Variants in KIAA1217 observed in about 807,000 individuals in gnomAD.
The protein encoded by KIAA1217 is KIAA1217, also known as sickle tail protein homolog.
In KIAA1217, 88 loss-of-function variants were observed where a neutral mutation model predicts 163.9. The observed-to-expected ratio is 0.54, with a 90% CI of 0.45 to 0.64. The LOEUF (loss-of-function observed/expected upper bound fraction) is 0.64, where lower values mean the gene tolerates loss of function less well. Ranked by LOEUF, KIAA1217 falls within the 30% of genes least tolerant of loss-of-function variation. The pLI, the probability that KIAA1217 is intolerant of heterozygous loss-of-function variation, is 0.00. For missense variants in KIAA1217, 2,372 were observed against 2,475.0 expected (o/e 0.96, Z 0.88); for synonymous variants, 903 against 923.1 (o/e 0.98, Z 0.39).
At chr10:24,400,429 G>C (rs1225936282) in intron 3 of KIAA1217, among the ~76,000 whole-genome samples, 2 of 152,182 alleles carry the variant, frequency 1.3e-5, no homozygotes, top group Non-Finnish European at 2.9e-5. Flanking sequence ...TAGCCACCCA[G>C]GGTCCCCATG....
At chr10:23,785,963 C>T (rs78727297) in intron 1 of KIAA1217, among the ~76,000 whole-genome samples, 7,608 of 152,114 alleles carry the variant, frequency 0.05, 280 homozygotes, top group Middle Eastern at 0.099. Context: ...CAATGCTGGG[C>T]AGACAAGTAA....
At chr10:23,952,338 G>C (rs1844376093) in intron 1 of KIAA1217, among the ~76,000 whole-genome samples, 1 of 152,094 alleles carries the variant, frequency 6.6e-6, no homozygotes, top group Non-Finnish European at 1.5e-5. Flanking sequence ...CCGTGTTCTG[G>C]ACTTTGCTGT....
At chr10:23,977,783 T>C (rs1189013180) in intron 1 of KIAA1217, among the ~76,000 whole-genome samples, 3 of 152,194 alleles carry the variant, frequency 2.0e-5, no homozygotes, top group Non-Finnish European at 4.4e-5. Context: ...TTTAAGTTAA[T>C]GCAGATGCCA....
rs55881849 is a variant in KIAA1217, at chr10:24,360,040, C to CAT, written c.355-20829_355-20828insAT. Among the ~76,000 whole-genome samples the CAT allele has an allele frequency of 3.8e-3, 362 of 94,278 alleles. 12 individuals carry two copies. The highest frequency in any genetic ancestry group is 0.012 in the African/African-American group (264 of 22,458). The allele number at this position is 94,278 out of a possible 152,430, so 61.9% of individuals were successfully genotyped here. On this transcript the variant is annotated intron_variant, in intron 2 of 20. Coordinates refer to ENST00000376454, the MANE Select transcript of KIAA1217 (RefSeq NM_019590.5). ...ACTGTGTATCTTTAGGATATAATTA[C>CAT]TTTTTTTTTTTTTTTTTTTTTTTTG...
At chr10:24,093,430 T>G (rs549924060) in intron 2 of KIAA1217, among the ~76,000 whole-genome samples, 1 of 151,504 alleles carries the variant, frequency 6.6e-6, no homozygotes, top group African/African-American at 2.4e-5. Context: ...CCTCAGCCTC[T>G]CAAAGTGCTG....
intron 1 of KIAA1217, among the ~76,000 whole-genome samples, chr10:23,837,080 T>A (rs1193263715): frequency 2.0e-5 from 3 of 152,218 alleles, no homozygotes; most frequent in Non-Finnish European, 4.4e-5. Context: ...GCACATTATT[T>A]AGCTCCTCCT....
intron 2 of KIAA1217, among the ~76,000 whole-genome samples, chr10:24,237,982 A>G (rs2072516712): frequency 6.6e-6 from 1 of 152,196 alleles, no homozygotes; most frequent in African/African-American, 2.4e-5. Context: ...GCAAAGAGTC[A>G]TTCTGAGTTT....
intron 5 of KIAA1217, among the ~76,000 whole-genome samples, chr10:24,443,773 A>ACC (rs2060694073): frequency 6.6e-6 from 1 of 152,184 alleles, no homozygotes; most frequent in Non-Finnish European, 1.5e-5. Flanking sequence ...ATAATAGGTT[A>ACC]GTGGTTATGT....
intron 2 of KIAA1217, among the ~76,000 whole-genome samples, chr10:24,194,968 G>A (rs184568459): frequency 1.7e-3 from 256 of 152,064 alleles, no homozygotes; most frequent in African/African-American, 5.9e-3. Context: ...CAAGTCCCCA[G>A]TCTTATCCCT....
intron 1 of KIAA1217, among the ~76,000 whole-genome samples, chr10:23,927,982 T>C (rs1400436034): frequency 6.6e-6 from 1 of 152,244 alleles, no homozygotes; most frequent in African/African-American, 2.4e-5. Flanking sequence ...TTAGGCCAGA[T>C]GCAGTAACTC....
chr10:24,543,429 A>G lies in KIAA1217; in HGVS notation c.4159A>G (p.Ile1387Val), dbSNP rs2075342618. ...AGCCACTGACAATATTGCCTTCATG[A>G]TTACCGAAACCACTGTCCAGGTTCT... ...NAATDNIAFM[I>V]TETTVQVLSS... Residue 1387 changes from isoleucine to valine, a missense_variant, in exon 19 of 21, where the codon ATT becomes GTT. This residue lies in a region of KIAA1217 where 251 missense variants were observed against 327.3 expected (regional missense o/e 0.77). Transcript: ENST00000376454. 1 of 1,614,168 alleles carries G rather than the reference A, an allele frequency of 6.2e-7. No individual in the cohort carries two copies. Among genetic ancestry groups the G allele is most frequent in the Non-Finnish European group, 8.5e-7 (1 of 1,180,036 alleles).
intron 17 of KIAA1217, among the ~76,000 whole-genome samples, chr10:24,541,484 G>A (rs2075076382): frequency 6.6e-6 from 1 of 152,172 alleles, no homozygotes; most frequent in South Asian, 2.1e-4. Context: ...TAAGGTCATA[G>A]GGGTTGCTCT....
intron 2 of KIAA1217, among the ~76,000 whole-genome samples, chr10:24,301,627 G>C (rs1291262046): frequency 2.6e-5 from 4 of 152,192 alleles, no homozygotes; most frequent in Non-Finnish European, 5.9e-5. Flanking sequence ...TCAGCTGAAA[G>C]TGGTTTTCCT....
At chr10:24,262,919 C>CA (rs2075863066) in intron 2 of KIAA1217, among the ~76,000 whole-genome samples, 1 of 149,270 alleles carries the variant, frequency 6.7e-6, no homozygotes, top group African/African-American at 2.5e-5. Flanking sequence ...CACTGCACTC[C>CA]AGTCTGGGTA....
At chr10:23,807,211 C>T (rs892471709) in intron 1 of KIAA1217, among the ~76,000 whole-genome samples, 1 of 152,224 alleles carries the variant, frequency 6.6e-6, no homozygotes, top group East Asian at 1.9e-4. Context: ...TTCGAATGGA[C>T]ATTTTTACTC....
intron 2 of KIAA1217, among the ~76,000 whole-genome samples, chr10:24,259,919 G>T (rs754054893): frequency 6.6e-6 from 1 of 152,190 alleles, no homozygotes; most frequent in Non-Finnish European, 1.5e-5. Flanking sequence ...ATTCTGAAAT[G>T]CCAAACCATT....
At chr10:24,174,009 C>T (rs1368829227) in intron 2 of KIAA1217, among the ~76,000 whole-genome samples, 1 of 152,198 alleles carries the variant, frequency 6.6e-6, no homozygotes, top group Non-Finnish European at 1.5e-5. Context: ...GCCATGTTCT[C>T]TTCCATCATG....
Position 24,536,737 on chromosome 10 carries a change from T to C in KIAA1217, c.3415-37T>C, listed in dbSNP as rs1185366167. 5 of 1,607,728 alleles carry C rather than the reference T, an allele frequency of 3.1e-6. No homozygotes were observed. In the South Asian group the frequency reaches 4.4e-5, roughly 14 times the overall value. On this transcript the variant is annotated intron_variant, in intron 16 of 20. Coordinates refer to ENST00000376454, the MANE Select transcript of KIAA1217 (RefSeq NM_019590.5). ...TTTCCCTCCATTCTCCTCAGTACCCTTGGATCCCTGTTAACCTCAGTATTT... is the reference window on the plus strand; with the variant it reads ...TTTCCCTCCATTCTCCTCAGTACCCCTGGATCCCTGTTAACCTCAGTATTT...
intron 1 of KIAA1217, among the ~76,000 whole-genome samples, chr10:23,773,164 A>G (rs983717175): frequency 3.9e-5 from 6 of 152,226 alleles, no homozygotes; most frequent in Admixed American, 6.5e-5. Context: ...ATCTTCATTC[A>G]TCATCAAACT....
Sources: gnomAD v4.1 joint callset for allele counts (sites outside exome capture counted in the v4.1 genomes callset) on GRCh38, gnomAD v4.1.1 for gene constraint, gnomAD v4.1.1 regional missense constraint, MANE v1.5 for transcripts, NCBI Gene and HGNC (gene_info 2026-07-23, HGNC 2026-07-21) for gene names.